The following CHRNA9 variants were observed in gnomAD, a reference collection of about 807,000 sequenced individuals.
CHRNA9 encodes the protein neuronal acetylcholine receptor subunit alpha-9.
CHRNA9 carries 24 observed loss-of-function variants against 36.8 expected under a neutral mutation model. The observed-to-expected ratio is 0.65, with a 90% confidence interval of 0.47 to 0.92. The LOEUF (loss-of-function observed/expected upper bound fraction) is 0.92, where lower values mean the gene tolerates loss of function less well. CHRNA9 is among the 40% of genes least tolerant of loss of function. The probability of loss-of-function intolerance (pLI) is 0.00; values close to 1 mark genes in which losing one functional copy is unlikely to be tolerated. For synonymous variants in CHRNA9, 231 were observed against 231.8 expected (o/e 1.00, Z 0.03); for missense variants, 610 against 601.2 (o/e 1.01, Z -0.15).
intron 3 of CHRNA9, among the ~76,000 whole-genome samples, chr4:40,339,279 CAAAAAAAAAAA>C (rs61634062): frequency 1.4e-5 from 1 of 71,158 alleles, no homozygotes; most frequent in African/African-American, 5.8e-5. Context: ...GACTCCATCT[CAAAAAAAAAAA>C]AAAAAAAAAA....
intron 3 of CHRNA9, among the ~76,000 whole-genome samples, chr4:40,338,618 G>A (rs571656299): frequency 3.3e-5 from 5 of 152,098 alleles, no homozygotes; most frequent in African/African-American, 7.2e-5. Context: ...GAAGCAGCAC[G>A]GGTGGGTTGC....
chr4:40,346,321 T>C (rs1315071943), intron 3 of CHRNA9, among the ~76,000 whole-genome samples: 1 of 152,366 alleles, frequency 6.6e-6, no homozygotes, highest in East Asian at 1.9e-4. Flanking sequence ...GTAACTGCAC[T>C]TTCTCCTCAC....
intron 3 of CHRNA9, among the ~76,000 whole-genome samples, chr4:40,341,041 G>C (rs1438481210): frequency 1.3e-5 from 2 of 148,450 alleles, no homozygotes; most frequent in African/African-American, 5.0e-5. Flanking sequence ...AAGAAATAGT[G>C]AGCTTTTTAG....
chr4:40,340,058 C>T (rs527534087), intron 3 of CHRNA9, among the ~76,000 whole-genome samples: 10 of 152,222 alleles, frequency 6.6e-5, no homozygotes, highest in African/African-American at 2.2e-4. Flanking sequence ...AGGTGGTGAC[C>T]TTGTCTTACT....
intron 3 of CHRNA9, 110 bp from the exon 4 acceptor site, chr4:40,348,772 G>T (rs1218526819): frequency 9.8e-7 from 1 of 1,018,000 alleles, no homozygotes; most frequent in Non-Finnish European, 1.5e-6. Context: ...AGGCAAAATG[G>T]TGGTCCATTG....
chr4:40,354,378 A>C lies in CHRNA9; in HGVS notation c.1298A>C (p.Lys433Thr). The C allele has an allele frequency of 6.2e-7, 1 of 1,614,236 alleles. No homozygotes were observed. The highest frequency in any genetic ancestry group is 1.1e-5 in the South Asian group (1 of 91,086). ...VLTRNIEYIA[K>T]CLKDHKATNS... ...ACGAGGAATATTGAGTACATCGCCA[A>C]GTGCCTCAAAGACCACAAGGCCACC... The change falls in exon 5 of 5, where the codon AAG (lysine) becomes ACG (threonine). Residue 433 changes from lysine to threonine, a missense_variant. Transcript: ENST00000310169.
intron 4 of CHRNA9, 148 bp downstream of exon 4, chr4:40,349,562 T>C (rs1712737532): frequency 1.4e-6 from 1 of 716,532 alleles, no homozygotes; most frequent in Non-Finnish European, 2.3e-6. Context: ...TGGTTGCAGT[T>C]AGCATCTTTC....
intron 3 of CHRNA9, among the ~76,000 whole-genome samples, chr4:40,341,413 T>C (rs894344702): frequency 6.6e-6 from 1 of 151,982 alleles, no homozygotes; most frequent in African/African-American, 2.4e-5. Context: ...CTCAGTAGGG[T>C]CTGGAGACAG....
intron 4 of CHRNA9, among the ~76,000 whole-genome samples, chr4:40,350,645 G>T (rs1712773325): frequency 6.7e-6 from 1 of 149,274 alleles, no homozygotes; most frequent in South Asian, 2.1e-4. Context: ...TACTACAGTG[G>T]CTTCTCCATT....
intron 3 of CHRNA9, among the ~76,000 whole-genome samples, chr4:40,338,420 T>A (rs1712388732): frequency 6.6e-6 from 1 of 152,094 alleles, no homozygotes; most frequent in African/African-American, 2.4e-5. Flanking sequence ...AAATACCAGA[T>A]CTCTGGTCAC....
intron 4 of CHRNA9, among the ~76,000 whole-genome samples, chr4:40,351,363 A>C (rs1334911850): frequency 6.6e-6 from 1 of 151,216 alleles, no homozygotes; most frequent in East Asian, 2.0e-4. Flanking sequence ...AATAAGAAAG[A>C]TAGGGTCTCA....
At chr4:40,352,137 T>C (rs1577550330) in intron 4 of CHRNA9, among the ~76,000 whole-genome samples, 3 of 152,374 alleles carry the variant, frequency 2.0e-5, no homozygotes, top group Admixed American at 2.0e-4. Flanking sequence ...CCCATTTCTA[T>C]TAAAGTGTTC....
chr4:40,344,674 G>C (rs917608537), intron 3 of CHRNA9, among the ~76,000 whole-genome samples: 1 of 152,110 alleles, frequency 6.6e-6, no homozygotes, highest in Non-Finnish European at 1.5e-5. Flanking sequence ...GAGTGACAGA[G>C]ATATAACCCA....
chr4:40,339,499 G>A (rs1325208165), intron 3 of CHRNA9, among the ~76,000 whole-genome samples: 5 of 151,006 alleles, frequency 3.3e-5, no homozygotes, highest in Non-Finnish European at 5.9e-5. Flanking sequence ...TGGCTAACAT[G>A]GTGAAACCCC....
rs1712881027 is a variant in CHRNA9, at chr4:40,354,121, G to A, written c.1041G>A (p.Arg347=). 1 of 1,614,062 alleles carries A rather than the reference G, an allele frequency of 6.2e-7. No homozygotes were observed. The highest frequency in any genetic ancestry group is 1.7e-5 in the Admixed American group (1 of 60,002). ...TGGTCATCCTGAAATACATGTCCAG[G>A]GTCTTGTTTGTCTATGATGTGGGTG... ...ARVVILKYMS[R]VLFVYDVGES... Residue 347 remains arginine (R), a synonymous_variant, in exon 5 of 5, where the codon AGG becomes AGA. Coordinates refer to ENST00000310169, the MANE Select transcript of CHRNA9 (RefSeq NM_017581.4).
Position 40,335,440 on chromosome 4 carries a change from G to C in CHRNA9, c.-28G>C. On this transcript the variant is annotated 5_prime_UTR_variant, in exon 1 of 5. Transcript: ENST00000310169. Reference sequence around the variant, plus strand: ...GTGGAAGACCACGCTGCCTGACTGAGACTTTATTATAGAGGCTCAGGAAAA... The same window carrying C: ...GTGGAAGACCACGCTGCCTGACTGACACTTTATTATAGAGGCTCAGGAAAA... 2 of 1,587,868 alleles carry C rather than the reference G, an allele frequency of 1.3e-6. No individual in the cohort carries two copies. The highest frequency in any genetic ancestry group is 1.7e-6 in the Non-Finnish European group (2 of 1,155,880).
chr4:40,354,086 T>C lies in CHRNA9; in HGVS notation c.1006T>C (p.Trp336Arg). The change falls in exon 5 of 5, where the codon TGG becomes CGG. Residue 336 changes from tryptophan to arginine, a missense_variant. Coordinates refer to ENST00000310169, the MANE Select transcript of CHRNA9 (RefSeq NM_017581.4). ...CGAEARPVPH[W>R]ARVVILKYMS... ...GGCCGAGGCCCGGCCGGTGCCACAC[T>C]GGGCCAGGGTGGTCATCCTGAAATA... is the stretch of plus-strand genomic sequence containing the variant. 1 of 1,614,198 alleles carries C rather than the reference T, an allele frequency of 6.2e-7. No individual in the cohort carries two copies. The highest frequency in any genetic ancestry group is 8.5e-7 in the Non-Finnish European group (1 of 1,180,034).
At chr4:40,336,560 T>C (rs1435949350) in intron 2 of CHRNA9, among the ~76,000 whole-genome samples, 1 of 152,120 alleles carries the variant, frequency 6.6e-6, no homozygotes, top group African/African-American at 2.4e-5. Flanking sequence ...CACTGTAAGC[T>C]CTGCCTCCTG....
chr4:40,339,394 G>T (rs1262208731), intron 3 of CHRNA9, among the ~76,000 whole-genome samples: 1 of 149,638 alleles, frequency 6.7e-6, no homozygotes, highest in African/African-American at 2.5e-5. Context: ...TTAAGACAGG[G>T]TCTGGGGGCC....
Sources: allele counts gnomAD v4.1 joint callset (sites outside exome capture counted in the v4.1 genomes callset), GRCh38; gene constraint gnomAD v4.1.1; transcripts MANE v1.5; gene names NCBI Gene and HGNC (gene_info 2026-07-23, HGNC 2026-07-21).